NOTCH2NLA: variants seen among roughly 807,000 people sequenced by gnomAD.
The protein encoded by NOTCH2NLA is notch 2 N-terminal like A, also known as notch homolog 2 N-terminal-like protein A.
At chr1:146,174,400 C>CTTTTTTTT (rs1209878010) in intron 2 of NOTCH2NLA, among the ~76,000 whole-genome samples, 3 of 95,810 alleles carry the variant, frequency 3.1e-5, no homozygotes, top group South Asian at 3.3e-4. Flanking sequence ...CTGTCTTTAG[C>CTTTTTTTT]TTTTTTTTTT....
chr1:146,187,635 C>T (rs1662847900), intron 2 of NOTCH2NLA, among the ~76,000 whole-genome samples: 1 of 135,898 alleles, frequency 7.4e-6, no homozygotes, highest in Non-Finnish European at 1.7e-5. Context: ...TAAGACCTCA[C>T]ATTCTAGCAA....
intron 2 of NOTCH2NLA, among the ~76,000 whole-genome samples, chr1:146,187,826 AGAG>A (rs1662857037): frequency 7.3e-6 from 1 of 136,876 alleles, no homozygotes; most frequent in African/African-American, 2.5e-5. Flanking sequence ...CTCCATTCTT[AGAG>A]GAGAATGCAC....
chr1:146,174,573 AG>A (rs1436491648), intron 2 of NOTCH2NLA, among the ~76,000 whole-genome samples: 1 of 143,518 alleles, frequency 7.0e-6, no homozygotes, highest in Non-Finnish European at 1.6e-5. Context: ...TGTGGAACGA[AG>A]GGGAAAAAAA....
chr1:146,186,735 T>C (rs1553810321), intron 2 of NOTCH2NLA, among the ~76,000 whole-genome samples: 2 of 130,634 alleles, frequency 1.5e-5, no homozygotes, highest in African/African-American at 5.1e-5. Context: ...CAAAAATATA[T>C]AGGCGAACAC....
chr1:146,172,565 A>G (rs1662041270), intron 2 of NOTCH2NLA, among the ~76,000 whole-genome samples: 1 of 151,724 alleles, frequency 6.6e-6, no homozygotes, highest in African/African-American at 2.4e-5. Flanking sequence ...AGTGAGAAAC[A>G]TCATGCTTCC....
exon 1 of NOTCH2NLA, chr1:146,228,916 T>C (rs1210001014): frequency 6.8e-6 from 10 of 1,466,760 alleles, no homozygotes; most frequent in African/African-American, 4.6e-5. Flanking sequence ...GGCGCTACGC[T>C]CCGAAGCCCA....
At chr1:146,159,225 G>C (rs1661328911) in intron 3 of NOTCH2NLA, among the ~76,000 whole-genome samples, 1 of 151,206 alleles carries the variant, frequency 6.6e-6, no homozygotes, top group Non-Finnish European at 1.5e-5. Context: ...GGGCTTCATA[G>C]CGCATGCCTG....
intron 1 of NOTCH2NLA, among the ~76,000 whole-genome samples, chr1:146,208,247 AG>A (rs1403318810): frequency 6.3e-5 from 4 of 63,480 alleles, no homozygotes; most frequent in African/African-American, 2.7e-4. Flanking sequence ...ATGTATGTAA[AG>A]CACTTAGCCA....
rs587609545 is a variant in NOTCH2NLA at position 146,171,527 on chromosome 1, C to A, written c.39-6517G>T. On this transcript the variant is annotated intron_variant, in intron 2 of 4. Transcript: ENST00000362074. ...TGTGCTTCAACACTAGGCTATCCTG[C>A]CTCCCCATCACTGGATGACTCCAGT... Among the ~76,000 whole-genome samples the A allele has an allele frequency of 2.3e-4, 27 of 115,154 alleles. No individual in the cohort carries two copies. In the South Asian group the frequency reaches 6.6e-3, roughly 28 times the overall value. The allele number at this position is 115,154 out of a possible 152,430, so 75.5% of individuals were successfully genotyped here. A position where few individuals can be genotyped will look rare whatever the true frequency, so the allele number is the denominator to read the frequency against.
chr1:146,174,503 G>C (rs1553807707), intron 2 of NOTCH2NLA, among the ~76,000 whole-genome samples: 1 of 146,282 alleles, frequency 6.8e-6, no homozygotes, highest in African/African-American at 2.5e-5. Context: ...AAGAAAAAGA[G>C]AGGCATGCTT....
At chr1:146,180,481 T>C (rs1181862407) in intron 2 of NOTCH2NLA, among the ~76,000 whole-genome samples, 15 of 142,114 alleles carry the variant, frequency 1.1e-4, no homozygotes, top group African/African-American at 3.7e-4. Flanking sequence ...AGAAGGCTGA[T>C]GGAGTCTAAG....
rs2746787 is a variant in NOTCH2NLA at position 146,182,455 on chromosome 1, C to G, written c.38+6845G>C. 3.6e-5 allele frequency among the ~76,000 whole-genome samples: 5 copies of G among 139,790 alleles called. No homozygotes were observed. In the Admixed American group the frequency reaches 3.7e-4, roughly 10 times the overall value. The allele number at this position is 139,790 out of a possible 152,430, so 91.7% of individuals were successfully genotyped here. A position where few individuals can be genotyped will look rare whatever the true frequency, so the allele number is the denominator to read the frequency against. Reference sequence around the variant, plus strand: ...AACTACTTGAGAACAGACCCTAATACGCAATAATGTTAGCTAGCATTATAG... The same window carrying G: ...AACTACTTGAGAACAGACCCTAATAGGCAATAATGTTAGCTAGCATTATAG... On this transcript the variant is annotated intron_variant, in intron 2 of 4. Transcript: ENST00000362074.
At chr1:146,210,625 G>A (rs200515668) in intron 1 of NOTCH2NLA, among the ~76,000 whole-genome samples, 2,824 of 99,960 alleles carry the variant, frequency 0.028, 289 homozygotes, top group African/African-American at 0.085. Context: ...ACACACACAC[G>A]CACACACACA....
intron 2 of NOTCH2NLA, among the ~76,000 whole-genome samples, chr1:146,171,393 T>C (rs1571284461): frequency 7.1e-6 from 1 of 141,166 alleles, no homozygotes. Flanking sequence ...ATCGCGCCAC[T>C]GCACTCCAGC....
intron 3 of NOTCH2NLA, among the ~76,000 whole-genome samples, chr1:146,159,457 GAA>G: frequency 6.6e-6 from 1 of 151,298 alleles, no homozygotes; most frequent in Non-Finnish European, 1.5e-5. Flanking sequence ...GAGAAAGAAA[GAA>G]AGAAAGGAAG....
At chr1:146,162,387 T>C (rs1553804689) in intron 3 of NOTCH2NLA, among the ~76,000 whole-genome samples, 1 of 149,572 alleles carries the variant, frequency 6.7e-6, no homozygotes, top group Non-Finnish European at 1.5e-5. Flanking sequence ...AGGGGTAGAT[T>C]TGTGGTGGTT....
intron 3 of NOTCH2NLA, among the ~76,000 whole-genome samples, chr1:146,159,407 G>GAAAGAAAGAAAGAA (rs1661358008): frequency 7.0e-6 from 1 of 142,582 alleles, no homozygotes; most frequent in Admixed American, 7.1e-5. Context: ...AAGAAAGAAA[G>GAAAGAAAGAAAGAA]AAAGAAAGAA....
downstream of NOTCH2NLA, chr1:146,153,603 AG>A (rs1259324106): frequency 1.1e-5 from 1 of 92,204 alleles, no homozygotes; most frequent in Non-Finnish European, 2.2e-5. Context: ...TCATCAAATA[AG>A]GGTGCTATTT....
At chr1:146,183,804 TA>T in intron 2 of NOTCH2NLA, among the ~76,000 whole-genome samples, 1 of 54,860 alleles carries the variant, frequency 1.8e-5, no homozygotes, top group South Asian at 5.8e-4. Flanking sequence ...GCATCCTCCA[TA>T]AAAAGCTAAG....
Sources: allele counts gnomAD v4.1 joint callset (sites outside exome capture counted in the v4.1 genomes callset), GRCh38; gene constraint gnomAD v4.1.1; transcripts MANE v1.5; gene names NCBI Gene and HGNC (gene_info 2026-07-23, HGNC 2026-07-21).